RUNX1T1: variants seen among roughly 807,000 people sequenced by gnomAD.
The protein encoded by RUNX1T1 is RUNX1 partner transcriptional co-repressor 1, also known as protein CBFA2T1.
RUNX1T1 carries 4 observed loss-of-function variants against 62.8 expected under a neutral mutation model. The observed-to-expected ratio is 0.06, with a 90% CI of 0.03 to 0.15. The LOEUF (loss-of-function observed/expected upper bound fraction) is 0.15, where lower values mean the gene tolerates loss of function less well. RUNX1T1 is among the 10% of genes least tolerant of loss of function. RUNX1T1 has a pLI of 1.00. For missense variants in RUNX1T1, 508 were observed against 754.3 expected, an observed-to-expected ratio of 0.67 and a Z score of 3.82; for synonymous variants, 291 against 286.0, an observed-to-expected ratio of 1.02 and a Z score of -0.18.
chr8:91,961,566 G>A (rs1456988660), intron 10 of RUNX1T1, among the ~76,000 whole-genome samples: 1 of 152,216 alleles, frequency 6.6e-6, no homozygotes, highest in Non-Finnish European at 1.5e-5. Context: ...ACGAATTAGA[G>A]CACAAACATA....
rs761041181 is a variant in RUNX1T1 at position 92,005,105 on chromosome 8, C to T, written c.659+11G>A. 1 of 1,589,446 alleles carries T rather than the reference C, an allele frequency of 6.3e-7. No homozygotes were observed. On this transcript the variant is annotated intron_variant, in intron 5 of 10. Coordinates refer to ENST00000396218, the Ensembl canonical transcript of RUNX1T1. ...AGGTCATGGTTCATCCAGGCTCCTC[C>T]TCCCTCTCACCTGTCTGGAGTTCGC...
exon 6 of RUNX1T1, chr8:91,991,808 C>T: frequency 6.2e-7 from 1 of 1,614,102 alleles, no homozygotes; most frequent in East Asian, 2.2e-5. Flanking sequence ...GACTGTACCG[C>T]TGGCCTGGGC....
intron 1 of RUNX1T1, among the ~76,000 whole-genome samples, chr8:92,048,295 A>C (rs1458767530): frequency 6.6e-6 from 1 of 152,202 alleles, no homozygotes; most frequent in Non-Finnish European, 1.5e-5. Flanking sequence ...AATTTTATCA[A>C]GGAAAAAGTG....
chr8:92,062,861 C>A, exon 1 of RUNX1T1: 1 of 1,395,120 alleles, frequency 7.2e-7, no homozygotes, highest in Non-Finnish European at 9.3e-7. Context: ...ATCACAACCC[C>A]TACCCTCCCC....
In RUNX1T1 at chr8:92,062,436, C is replaced by T. The variant is rs929732358; in HGVS notation, c.7+110G>A. On this transcript the variant is annotated intron_variant, in intron 1 of 10. Coordinates refer to ENST00000396218, the Ensembl canonical transcript of RUNX1T1. The stretch of plus-strand genomic sequence containing the variant: ...CTCTGTCACCCCCAGCCTCTTCCTG[C>T]CCACATCAGATACAACACGCTGTGG... 15 of 1,228,486 alleles carry T rather than the reference C, an allele frequency of 1.2e-5. No homozygotes were observed. In the South Asian group the frequency reaches 1.6e-4, roughly 13 times the overall value. The allele number at this position is 1,228,486 out of a possible 1,614,324, so 76.1% of individuals were successfully genotyped here. A position where few individuals can be genotyped will look rare whatever the true frequency, so the allele number is the denominator to read the frequency against.
intron 1 of RUNX1T1, among the ~76,000 whole-genome samples, chr8:92,031,644 T>A (rs2131313555): frequency 6.6e-6 from 1 of 152,212 alleles, no homozygotes; most frequent in East Asian, 1.9e-4. Flanking sequence ...AATTTAAATT[T>A]TTTTTTGTAG....
At chr8:92,037,198 T>C (rs549714422) in intron 1 of RUNX1T1, among the ~76,000 whole-genome samples, 17 of 152,178 alleles carry the variant, frequency 1.1e-4, no homozygotes, top group Non-Finnish European at 1.9e-4. Flanking sequence ...TAACCCCGTG[T>C]CCTGTGGATG....
intron 1 of RUNX1T1, among the ~76,000 whole-genome samples, chr8:92,036,460 A>C (rs1234446803): frequency 6.6e-6 from 1 of 152,226 alleles, no homozygotes; most frequent in African/African-American, 2.4e-5. Context: ...AAGGGATAGA[A>C]TTTTTGGAAT....
intron 5 of RUNX1T1, among the ~76,000 whole-genome samples, chr8:91,993,576 T>G (rs1404344132): frequency 1.3e-5 from 2 of 152,192 alleles, no homozygotes; most frequent in Non-Finnish European, 2.9e-5. Flanking sequence ...AAACAACATT[T>G]GTAAAAACAA....
chr8:91,964,354 T>A (rs1359900488), intron 10 of RUNX1T1, among the ~76,000 whole-genome samples: 3 of 152,180 alleles, frequency 2.0e-5, no homozygotes, highest in Admixed American at 2.0e-4. Context: ...TCTCTCCAGG[T>A]CTTACATATC....
intron 1 of RUNX1T1, among the ~76,000 whole-genome samples, chr8:92,022,508 A>G (rs1824317536): frequency 6.6e-6 from 1 of 152,174 alleles, no homozygotes; most frequent in South Asian, 2.1e-4. Flanking sequence ...GGGCTCTACC[A>G]TCATGGATGG....
At chr8:92,070,484 C>T (rs1039398049) in intron 2 of RUNX1T1, among the ~76,000 whole-genome samples, 3 of 152,270 alleles carry the variant, frequency 2.0e-5, no homozygotes, top group East Asian at 3.9e-4. Context: ...GAGCTACTTA[C>T]GCTGTGCATA....
intron 1 of RUNX1T1, among the ~76,000 whole-genome samples, chr8:92,034,670 ATGTG>A (rs35165263): frequency 5.5e-4 from 82 of 148,962 alleles, no homozygotes; most frequent in East Asian, 3.9e-3. Context: ...GCATATATAT[ATGTG>A]TGTGTGTGTG....
At chr8:92,093,678 T>G (rs1360953048) in intron 1 of RUNX1T1, among the ~76,000 whole-genome samples, 2 of 152,172 alleles carry the variant, frequency 1.3e-5, no homozygotes, top group African/African-American at 4.8e-5. Context: ...AGATATAGAT[T>G]TAGCAGGTGC....
At chr8:92,045,213 A>G (rs538320425) in intron 1 of RUNX1T1, among the ~76,000 whole-genome samples, 3 of 152,284 alleles carry the variant, frequency 2.0e-5, no homozygotes, top group Non-Finnish European at 4.4e-5. Flanking sequence ...AAACCATAAT[A>G]TAATTGCAAT....
At chr8:92,095,367 G>C (rs1837638961) in intron 1 of RUNX1T1, 1 of 1,535,290 alleles carries the variant, frequency 6.5e-7, no homozygotes, top group Non-Finnish European at 8.7e-7. Context: ...AGGAGCGCGG[G>C]AGAGCGGCCG....
chr8:91,966,163 CTA>C (rs60514195), intron 10 of RUNX1T1, among the ~76,000 whole-genome samples: 1,485 of 144,900 alleles, frequency 0.01, 21 homozygotes, highest in African/African-American at 0.033. Flanking sequence ...TATTGTATAA[CTA>C]TATATATATA....
intron 9 of RUNX1T1, among the ~76,000 whole-genome samples, chr8:91,975,215 G>T (rs1040129295): frequency 6.6e-6 from 1 of 152,148 alleles, no homozygotes; most frequent in Non-Finnish European, 1.5e-5. Flanking sequence ...CACAGATCTG[G>T]ACTTCTTTAA....
At chr8:92,006,955 G>A (rs991427415) in intron 4 of RUNX1T1, among the ~76,000 whole-genome samples, 8 of 152,018 alleles carry the variant, frequency 5.3e-5, no homozygotes, top group Non-Finnish European at 8.8e-5. Flanking sequence ...ATAAATGCAT[G>A]CCATACACTG....
Sources: gnomAD v4.1 joint callset for allele counts (sites outside exome capture counted in the v4.1 genomes callset) on GRCh38, gnomAD v4.1.1 for gene constraint, MANE v1.5 for transcripts, NCBI Gene and HGNC (gene_info 2026-07-23, HGNC 2026-07-21) for gene names.